Variants in CACNA1A observed in about 807,000 individuals in gnomAD.
CACNA1A encodes calcium voltage-gated channel subunit alpha1 A, also known as voltage-dependent P/Q-type calcium channel subunit alpha-1A.
A neutral mutation model predicts 262.4 loss-of-function variants in CACNA1A; 57 were observed. The ratio of observed to expected loss-of-function variants is 0.22; its 90% CI spans 0.18 to 0.27. The LOEUF (loss-of-function observed/expected upper bound fraction) is 0.27, where lower values mean the gene tolerates loss of function less well. CACNA1A is among the 10% of genes least tolerant of loss of function. CACNA1A has a pLI of 1.00. For missense variants in CACNA1A, 2,526 were observed against 3,562.8 expected, an observed-to-expected ratio of 0.71 and a Z score of 7.41; for synonymous variants, 1,431 against 1,419.3, an observed-to-expected ratio of 1.01 and a Z score of -0.18.
chr19:13,406,509 A>ATATATGTATGTATG (rs1487889235), intron 3 of CACNA1A, among the ~76,000 whole-genome samples: 1 of 109,658 alleles, frequency 9.1e-6, no homozygotes, highest in Non-Finnish European at 1.9e-5. Flanking sequence ...ATATATATAT[A>ATATATGTATGTATG]TATGAAGGGA....
At chr19:13,211,900 C>CT in intron 43 of CACNA1A, 1 of 563,914 alleles carries the variant, frequency 1.8e-6, no homozygotes, top group Non-Finnish European at 3.2e-6. Flanking sequence ...TCTCTGTCCT[C>CT]TGTGAGGGAG....
intron 31 of CACNA1A, among the ~76,000 whole-genome samples, chr19:13,239,076 C>A (rs1216087532): frequency 6.6e-6 from 1 of 152,154 alleles, no homozygotes; most frequent in Non-Finnish European, 1.5e-5. Context: ...GCCCTGCAAC[C>A]AGAGCGAGCT....
chr19:13,346,249 T>C (rs1445158920), intron 6 of CACNA1A, among the ~76,000 whole-genome samples: 1 of 151,710 alleles, frequency 6.6e-6, no homozygotes, highest in Non-Finnish European at 1.5e-5. Flanking sequence ...CCTTCCTTCA[T>C]CCTCACTCAC....
intron 10 of CACNA1A, 97 bp from the exon 11 acceptor site, chr19:13,317,418 C>T (rs1424922641): frequency 1.0e-6 from 1 of 990,224 alleles, no homozygotes; most frequent in East Asian, 2.6e-5. Context: ...CCAGGGGATC[C>T]ATTAGTCTCT....
chr19:13,334,608 T>C (rs2058530053), intron 7 of CACNA1A, 115 bp from the exon 8 acceptor site: 1 of 609,312 alleles, frequency 1.6e-6, no homozygotes, highest in African/African-American at 2.0e-5. Context: ...TGTGTGTGTG[T>C]GTTTGGGGAT....
At position 13,298,556 on chromosome 19, in the gene CACNA1A, T is replaced by C. The variant is rs2057717972; in HGVS notation, c.3077A>G (p.His1026Arg). ...CACCTCCACTTACTTCCTCCTCCGA[T>C]GCCTCCGCTCCTTGTCCTCCCTCCG... ...DARREDKERRHRRRKENQGSG... is the reference protein window; with the variant it reads ...DARREDKERRRRRRKENQGSG... Residue 1026 changes from histidine (H) to arginine (R), a missense_variant, in exon 19 of 47, where the codon CAT becomes CGT. Transcript: ENST00000360228. 1 of 1,543,392 alleles carries C rather than the reference T, an allele frequency of 6.5e-7. No homozygotes were observed. Among genetic ancestry groups the C allele is most frequent in the South Asian group, 1.2e-5 (1 of 83,802 alleles).
chr19:13,482,105 GA>G, intron 1 of CACNA1A, among the ~76,000 whole-genome samples: 1 of 152,082 alleles, frequency 6.6e-6, no homozygotes, highest in East Asian at 1.9e-4. Flanking sequence ...AAGTAAGGGA[GA>G]AAAAAAGAAG....
At chr19:13,261,391 A>G (rs1422500033) in intron 26 of CACNA1A, 59 bp downstream of exon 26, 2 of 1,477,174 alleles carry the variant, frequency 1.4e-6, no homozygotes, top group Non-Finnish European at 1.8e-6. Context: ...GCCTCTAGCC[A>G]CTTCCCCCCT....
chr19:13,417,286 C>T (rs549803099), intron 3 of CACNA1A, among the ~76,000 whole-genome samples: 4 of 152,246 alleles, frequency 2.6e-5, no homozygotes, highest in South Asian at 2.1e-4. Flanking sequence ...TGTGCACGCT[C>T]GGTATGTGGG....
rs1307605054 is a variant in CACNA1A, at chr19:13,207,463, G to A, written c.7371C>T (p.Ala2457=). The A allele has an allele frequency of 2.7e-6, 4 of 1,486,584 alleles. No individual in the cohort carries two copies. In the South Asian group the frequency reaches 5.0e-5, roughly 18 times the overall value. 92.1% of individuals were successfully genotyped at this position (1,486,584 alleles called of 1,614,324 possible). Residue 2457 remains alanine, a synonymous_variant, in exon 47 of 47, where the codon GCC becomes GCT. Coordinates refer to ENST00000360228, the MANE Select transcript of CACNA1A (RefSeq NM_001127222.2). The surrounding 1 kb of genome is among the most constrained non-coding windows in gnomAD (Gnocchi z 5.7). ...ATGRSPRTPR[A]SGPACASPSR... ...AAGGCGAGGCGCAGGCCGGGCCCGA[G>A]GCCCGGGGAGTCCTGGGCGAGCGCC...
At position 13,496,043 on chromosome 19, in the gene CACNA1A, A is replaced by ACCATCCATCCAT. The variant is rs140251496; in HGVS notation, c.293+9877_293+9888dup. On this transcript the variant is annotated intron_variant, in intron 1 of 46. Coordinates refer to ENST00000360228, the MANE Select transcript of CACNA1A (RefSeq NM_001127222.2). ...ATCCACTCATCCATGCATCTGTTCA[A>ACCATCCATCCAT]CCATCCATCCATCCATCCATCCATC... Among the ~76,000 whole-genome samples the ACCATCCATCCAT allele has an allele frequency of 9.6e-5, 14 of 145,864 alleles. No homozygotes were observed. The East Asian group carries it at 1.6e-3, about 17-fold the overall frequency.
intron 26 of CACNA1A, 69 bp downstream of exon 26, chr19:13,261,381 G>A: frequency 1.4e-6 from 2 of 1,389,372 alleles, no homozygotes; most frequent in Non-Finnish European, 9.8e-7. Flanking sequence ...AGTGGCCAAT[G>A]CCTCTAGCCA....
chr19:13,274,098 G>T (rs190016153), intron 24 of CACNA1A: 2 of 152,168 alleles, frequency 1.3e-5, no homozygotes, highest in East Asian at 3.9e-4. Flanking sequence ...AAGGATGTGG[G>T]GAGGGAGAGG....
intron 19 of CACNA1A, among the ~76,000 whole-genome samples, chr19:13,288,656 C>T (rs1049098968): frequency 6.6e-6 from 1 of 152,164 alleles, no homozygotes. Context: ...GCCATGGACA[C>T]CTGGGCCCTG....
At chr19:13,259,950 G>A (rs183024645) in intron 26 of CACNA1A, 1 of 450,936 alleles carries the variant, frequency 2.2e-6, no homozygotes, top group Admixed American at 3.5e-5. Context: ...CTGACCCAGG[G>A]TCCAGCACCC....
intron 46 of CACNA1A, 145 bp from the exon 47 acceptor site, chr19:13,208,198 AG>A: frequency 1.2e-5 from 1 of 81,002 alleles, no homozygotes; most frequent in Non-Finnish European, 2.2e-5. Flanking sequence ...GAGGAGGAGG[AG>A]GAGAGGGGGG....
chr19:13,298,474 C>T (rs1321810272), intron 19 of CACNA1A, 70 bp downstream of exon 19: 9 of 1,328,136 alleles, frequency 6.8e-6, no homozygotes, highest in African/African-American at 1.5e-5. Context: ...ATACACAGCA[C>T]GTGCTACTTT....
intron 30 of CACNA1A, among the ~76,000 whole-genome samples, chr19:13,246,088 C>T (rs1455744917): frequency 3.3e-5 from 5 of 152,152 alleles, no homozygotes; most frequent in African/African-American, 1.2e-4. Context: ...TGTTCAGGTC[C>T]CCACTAGGTT....
At chr19:13,219,102 C>T (rs553384578) in intron 38 of CACNA1A, among the ~76,000 whole-genome samples, 2 of 137,426 alleles carry the variant, frequency 1.5e-5, no homozygotes, top group African/African-American at 5.5e-5. Flanking sequence ...AGTGAAGTGG[C>T]GGGATCTCGG....
Sources: allele counts gnomAD v4.1 joint callset (sites outside exome capture counted in the v4.1 genomes callset), GRCh38; gene constraint gnomAD v4.1.1; non-coding constraint Gnocchi (gnomAD v3.1); transcripts MANE v1.5; gene names NCBI Gene and HGNC (gene_info 2026-07-23, HGNC 2026-07-21).